ATR: variants seen among roughly 807,000 people sequenced by gnomAD.
The protein encoded by ATR is serine/threonine-protein kinase ATR.
A neutral mutation model predicts 305.3 loss-of-function variants in ATR; 142 were observed. The observed-to-expected ratio is 0.47, with a 90% CI of 0.41 to 0.53. ATR has a LOEUF of 0.53. Among genes scored for constraint, ATR ranks in the 20% least tolerant of loss-of-function variants. ATR has a pLI of 0.00. For missense variants in ATR, 2,135 were observed against 3,133.1 expected (o/e 0.68, Z 7.60); for synonymous variants, 1,050 against 1,068.1 (o/e 0.98, Z 0.33).
At chr3:142,493,009 T>C in intron 35 of ATR, 123 bp downstream of exon 35, 2 of 894,492 alleles carry the variant, frequency 2.2e-6, no homozygotes, top group South Asian at 3.5e-5. Context: ...CATATACTTA[T>C]ATACTCACTG....
chr3:142,567,047 A>G (rs1354868144), intron 2 of ATR, among the ~76,000 whole-genome samples: 2 of 152,186 alleles, frequency 1.3e-5, no homozygotes, highest in Non-Finnish European at 2.9e-5. Context: ...CCCAGCCAAC[A>G]CTACAGTCTT....
chr3:142,522,116 T>C (rs1179008849), intron 23 of ATR, among the ~76,000 whole-genome samples: 5 of 152,192 alleles, frequency 3.3e-5, no homozygotes, highest in African/African-American at 7.2e-5. Flanking sequence ...ATCATCAACA[T>C]TGAGGCAAAA....
At chr3:142,460,041 C>A (rs541907694) in intron 42 of ATR, among the ~76,000 whole-genome samples, 2 of 152,046 alleles carry the variant, frequency 1.3e-5, no homozygotes, top group African/African-American at 4.8e-5. Flanking sequence ...CAGACATATA[C>A]AATATGTCAT....
chr3:142,573,681 T>A (rs1001827972), intron 1 of ATR, among the ~76,000 whole-genome samples: 1 of 152,130 alleles, frequency 6.6e-6, no homozygotes, highest in African/African-American at 2.4e-5. Flanking sequence ...AAACAATTGA[T>A]CCTAACAATA....
chr3:142,539,670 G>C (rs2033979974), intron 18 of ATR, among the ~76,000 whole-genome samples: 1 of 152,204 alleles, frequency 6.6e-6, no homozygotes, highest in Non-Finnish European at 1.5e-5. Context: ...TGTTGCCCAG[G>C]CTAGACTCAA....
chr3:142,547,501 TTG>T (rs1413045658), intron 16 of ATR, among the ~76,000 whole-genome samples: 4 of 152,320 alleles, frequency 2.6e-5, no homozygotes, highest in African/African-American at 9.6e-5. Flanking sequence ...GTAAACAAAG[TTG>T]TGATAATGCT....
intron 36 of ATR, among the ~76,000 whole-genome samples, chr3:142,481,330 T>C (rs2030462406): frequency 6.6e-6 from 1 of 152,226 alleles, no homozygotes; most frequent in Non-Finnish European, 1.5e-5. Flanking sequence ...TTGTCCTTCA[T>C]TCTATTAATG....
chr3:142,456,570 T>C (rs2070913442), intron 45 of ATR, among the ~76,000 whole-genome samples: 1 of 150,052 alleles, frequency 6.7e-6, no homozygotes, highest in African/African-American at 2.5e-5. Context: ...AAACCCTGTC[T>C]CAAAGGAAAA....
chr3:142,566,938 T>G (rs2035095025), intron 2 of ATR, among the ~76,000 whole-genome samples: 1 of 152,076 alleles, frequency 6.6e-6, no homozygotes, highest in Admixed American at 6.5e-5. Flanking sequence ...GAGACAGGGT[T>G]TCGTCATGTT....
At chr3:142,513,959 C>A (rs762787257) in intron 25 of ATR, among the ~76,000 whole-genome samples, 1 of 151,898 alleles carries the variant, frequency 6.6e-6, no homozygotes, top group Non-Finnish European at 1.5e-5. Context: ...ATTATATTTT[C>A]AGTATATTCA....
In ATR at chr3:142,556,395, G is replaced by A. The variant is rs749652394; in HGVS notation, c.2066C>T (p.Pro689Leu). The A allele has an allele frequency of 6.2e-7, 1 of 1,613,344 alleles. No homozygotes were observed. The highest frequency in any genetic ancestry group is 2.2e-5 in the East Asian group (1 of 44,880). ...TCTTAGTACATACATAAGAATCTTG[G>A]GAACTCTGTTACAAGAATTCTGCTG... ...LQQQNSCNRV[P>L]KILIDKVKDD... Residue 689 changes from proline to leucine, a missense_variant, in exon 9 of 47, where the codon CCC becomes CTC. This residue lies in a region of ATR where 744 missense variants were observed against 873.2 expected (regional missense o/e 0.85). Coordinates refer to ENST00000350721, the MANE Select transcript of ATR (RefSeq NM_001184.4).
intron 36 of ATR, among the ~76,000 whole-genome samples, chr3:142,480,614 T>G (rs1559924351): frequency 6.6e-6 from 1 of 152,226 alleles, no homozygotes; most frequent in Non-Finnish European, 1.5e-5. Flanking sequence ...TCTTCAAAGC[T>G]GTCAGACAGG....
intron 16 of ATR, among the ~76,000 whole-genome samples, chr3:142,545,714 G>A (rs1404053163): frequency 6.6e-6 from 1 of 152,128 alleles, no homozygotes; most frequent in Non-Finnish European, 1.5e-5. Flanking sequence ...TTTGTGTAAG[G>A]GTGGTGGTGG....
intron 17 of ATR, among the ~76,000 whole-genome samples, chr3:142,541,327 G>A (rs1300719605): frequency 6.6e-6 from 1 of 152,012 alleles, no homozygotes; most frequent in Non-Finnish European, 1.5e-5. Flanking sequence ...TTTATTAAAG[G>A]TATAATGCAT....
rs528694003 is a variant in ATR, at chr3:142,554,231, T to C, written c.2342-216A>G. Among the ~76,000 whole-genome samples, 6 of 152,264 alleles carry C rather than the reference T, an allele frequency of 3.9e-5. No homozygotes were observed. In the East Asian group the frequency reaches 1.2e-3, roughly 29 times the overall value. On this transcript the variant is annotated intron_variant, in intron 10 of 46. Transcript: ENST00000350721. ...CTTTATATTTAATAAATGTCACTTT[T>C]TTTTTTTGATATAGGGTCTTGCTCT...
At chr3:142,496,612 T>A in intron 33 of ATR, 92 bp from the exon 34 acceptor site, 2 of 1,382,834 alleles carry the variant, frequency 1.4e-6, no homozygotes, top group Non-Finnish European at 2.0e-6. Flanking sequence ...GGTCATAAAC[T>A]TTGCAAGTAG....
Position 142,470,828 on chromosome 3 carries a change from G to A in ATR, c.6222-645C>T, listed in dbSNP as rs75284442. On this transcript the variant is annotated intron_variant, in intron 36 of 46. Transcript: ENST00000350721. ...CCATCCTACAAACCAACCACTCAACGCTGTTTCTGGTAAAATTTGTGAAAA... is the reference window on the plus strand; with the variant it reads ...CCATCCTACAAACCAACCACTCAACACTGTTTCTGGTAAAATTTGTGAAAA... Among the ~76,000 whole-genome samples, 708 of 152,090 alleles carry A rather than the reference G, an allele frequency of 4.7e-3. 8 individuals carry two copies. The highest frequency in any genetic ancestry group is 0.016 in the African/African-American group (683 of 41,492).
In ATR at chr3:142,556,379, A is replaced by G. The variant is rs924968915; in HGVS notation, c.2078+4T>C. ...TATATTCAAATTAAAATCTTAGTAC[A>G]TACATAAGAATCTTGGGAACTCTGT... On this transcript the variant is annotated splice_donor_region_variant and intron_variant, in intron 9 of 46. Coordinates refer to ENST00000350721, the MANE Select transcript of ATR (RefSeq NM_001184.4). 2 of 1,609,744 alleles carry G rather than the reference A, an allele frequency of 1.2e-6. No homozygotes were observed. The highest frequency in any genetic ancestry group is 2.7e-5 in the African/African-American group (2 of 74,960).
chr3:142,457,983 G>A (rs1433395391), intron 44 of ATR, among the ~76,000 whole-genome samples: 4 of 152,110 alleles, frequency 2.6e-5, no homozygotes, highest in Non-Finnish European at 5.9e-5. Flanking sequence ...GAGATAAGTG[G>A]ACTTACCTTT....
Sources: allele counts gnomAD v4.1 joint callset (sites outside exome capture counted in the v4.1 genomes callset), GRCh38; gene constraint gnomAD v4.1.1; regional missense constraint gnomAD v4.1.1; transcripts MANE v1.5; gene names NCBI Gene and HGNC (gene_info 2026-07-23, HGNC 2026-07-21).